RASA3: variants seen among roughly 807,000 people sequenced by gnomAD.
The protein encoded by RASA3 is RAS p21 protein activator 3.
Under a neutral mutation model 110.0 loss-of-function variants are expected in RASA3, and 73 were observed. That is an observed-to-expected ratio of 0.66 (90% CI 0.55 to 0.81). RASA3 has a LOEUF of 0.81. Ranked by LOEUF, RASA3 falls within the 30% of genes least tolerant of loss-of-function variation. RASA3 has a pLI of 0.00. For synonymous variants in RASA3, 500 were observed against 451.4 expected (o/e 1.11, Z -1.37); for missense variants, 976 against 1,113.2 (o/e 0.88, Z 1.75).
Position 114,029,820 on chromosome 13 carries a change from A to G in RASA3, c.440T>C (p.Leu147Pro), listed in dbSNP as rs1403392561. The G allele has an allele frequency of 6.3e-7, 1 of 1,591,776 alleles. No homozygotes were observed. Among genetic ancestry groups the G allele is most frequent in the Non-Finnish European group, 8.5e-7 (1 of 1,169,650 alleles). Residue 147 changes from leucine to proline, a missense_variant, in exon 5 of 24, where the codon CTC becomes CCC. By Grantham distance (98) the Leu-to-Pro change is moderately conservative. Around this residue, in one of 4 missense-constraint regions of RASA3, gnomAD observed 732 missense variants for 779.7 expected, o/e 0.94. Coordinates refer to ENST00000334062, the MANE Select transcript of RASA3 (RefSeq NM_007368.4). ...ITDTGVVCHK[L>P]ATRIVECQGL... ...TGAGGACGTGTCTTACCGTGTGGCG[A>G]GCTTGTGGCAGACGACCCCAGTGTC...
chr13:114,132,481 C>T lies in RASA3; in HGVS notation c.9G>A (p.Val3=). The T allele has an allele frequency of 6.7e-7, 1 of 1,497,668 alleles. No individual in the cohort carries two copies. The highest frequency in any genetic ancestry group is 8.9e-7 in the Non-Finnish European group (1 of 1,128,598). 92.8% of individuals were successfully genotyped at this position (1,497,668 alleles called of 1,614,324 possible). A position where few individuals can be genotyped will look rare whatever the true frequency, so the allele number is the denominator to read the frequency against. The change falls in exon 1 of 24, where the codon GTG becomes GTA. Residue 3 remains valine, a synonymous_variant. Transcript: ENST00000334062. MA[V]EDEGLRVFQS... ...GGAAGACCCGGAGCCCCTCGTCCTC[C>T]ACCGCCATGCTGCGCGTCCGCGCCC...
In RASA3 at chr13:114,132,591, C is replaced by T. The variant is rs2139814253; in HGVS notation, c.-102G>A. ...GGCGGCGCCGGAGCCCCGAGCGCGG[C>T]CGAGGGTCCGCCCGCCTGCAAGACC... On this transcript the variant is annotated 5_prime_UTR_variant, in exon 1 of 24. Coordinates refer to ENST00000334062, the MANE Select transcript of RASA3 (RefSeq NM_007368.4). The T allele has an allele frequency of 1.6e-5, 16 of 1,026,500 alleles. No individual in the cohort carries two copies. In the South Asian group the frequency reaches 7.4e-4, roughly 48 times the overall value. 63.6% of individuals were successfully genotyped at this position (1,026,500 alleles called of 1,614,324 possible). A position where few individuals can be genotyped will look rare whatever the true frequency, so the allele number is the denominator to read the frequency against.
rs1210303315 is a variant in RASA3 at position 113,998,277 on chromosome 13, TCTCTTCCCAGCCCTC to T, written c.1932+1293_1932+1307del. Among the ~76,000 whole-genome samples, 20 of 151,112 alleles carry T rather than the reference TCTCTTCCCAGCCCTC, an allele frequency of 1.3e-4. No homozygotes were observed. The East Asian group carries it at 2.9e-3, about 22-fold the overall frequency. On this transcript the variant is annotated intron_variant, in intron 20 of 23. Transcript: ENST00000334062. The stretch of plus-strand genomic sequence containing the variant: ...CCCATCTCCCCCTCTTCCCAACCCT[TCTCTTCCCAGCCCTC>T]CTCTTCCCAGCCCTCCTCTTCCCAT...
At chr13:114,101,557 C>T (rs1354674694) in intron 1 of RASA3, among the ~76,000 whole-genome samples, 1 of 152,248 alleles carries the variant, frequency 6.6e-6, no homozygotes, top group Non-Finnish European at 1.5e-5. Context: ...GGGCCCCAGC[C>T]GGCACTGCAC....
At chr13:114,068,563 G>A (rs565751934) in intron 2 of RASA3, among the ~76,000 whole-genome samples, 59 of 152,328 alleles carry the variant, frequency 3.9e-4, no homozygotes, top group Admixed American at 7.2e-4. Flanking sequence ...CCACTGCAGC[G>A]CAGCCTTGGG....
At chr13:113,989,222 T>TACCCATCCATCCATCC (rs2053043505) in intron 22 of RASA3, among the ~76,000 whole-genome samples, 1 of 125,214 alleles carries the variant, frequency 8.0e-6, no homozygotes, top group African/African-American at 3.1e-5. Flanking sequence ...TCCACCCATC[T>TACCCATCCATCCATCC]ACCCATCCAT....
intron 9 of RASA3, among the ~76,000 whole-genome samples, chr13:114,019,514 A>C (rs1051861767): frequency 2.0e-5 from 3 of 146,678 alleles, no homozygotes; most frequent in African/African-American, 7.6e-5. Context: ...CGCCCCCATC[A>C]GGTGGGTGGA....
intron 3 of RASA3, among the ~76,000 whole-genome samples, chr13:114,049,393 G>A (rs927093657): frequency 6.6e-6 from 1 of 152,006 alleles, no homozygotes; most frequent in African/African-American, 2.4e-5. Flanking sequence ...CACCATAATC[G>A]TAAAGCCACC....
intron 1 of RASA3, among the ~76,000 whole-genome samples, chr13:114,117,521 GTGCGTGAGGGGTGCACA>G (rs2080303110): frequency 6.8e-6 from 1 of 146,828 alleles, no homozygotes; most frequent in African/African-American, 2.5e-5. Context: ...GGGTGAGCAT[GTGCGTGAGGGGTGCACA>G]TGTGTGAGGG....
intron 1 of RASA3, among the ~76,000 whole-genome samples, chr13:114,075,784 G>A (rs1255542373): frequency 2.0e-4 from 18 of 89,630 alleles, no homozygotes; most frequent in African/African-American, 5.0e-4. Context: ...CCGTGTCCGC[G>A]CCGCGTATCT....
rs546099027 is a variant in RASA3, at chr13:114,100,937, T to A, written c.56-27100A>T. Among the ~76,000 whole-genome samples, 3 of 152,314 alleles carry A rather than the reference T, an allele frequency of 2.0e-5. No individual in the cohort carries two copies. The South Asian group carries it at 6.2e-4, about 32-fold the overall frequency. ...TTAAAAACTCAGAAATTGCTTATTT[T>A]TAGAATTTTCCATTTAACATTTTTG... On this transcript the variant is annotated intron_variant, in intron 1 of 23. Transcript: ENST00000334062.
intron 22 of RASA3, among the ~76,000 whole-genome samples, chr13:113,990,154 C>G (rs1259233870): frequency 4.6e-5 from 7 of 152,170 alleles, no homozygotes; most frequent in Non-Finnish European, 7.3e-5. Flanking sequence ...CGAAAGTTTC[C>G]TGAGGCCTCC....
In RASA3 at chr13:113,979,277, C is replaced by G. The variant is rs887538325; in HGVS notation, c.*70G>C. Reference sequence around the variant, plus strand: ...TTGCCGGCTCTGCGCTCTTCCTTCTCTTCTCCCTCCCAAAGGCTGCGGCTT... The same window carrying G: ...TTGCCGGCTCTGCGCTCTTCCTTCTGTTCTCCCTCCCAAAGGCTGCGGCTT... On this transcript the variant is annotated 3_prime_UTR_variant, in exon 24 of 24. Coordinates refer to ENST00000334062, the MANE Select transcript of RASA3 (RefSeq NM_007368.4). The G allele has an allele frequency of 1.3e-5, 19 of 1,419,444 alleles. No homozygotes were observed. The African/African-American group carries it at 2.1e-4, about 16-fold the overall frequency. The allele number at this position is 1,419,444 out of a possible 1,614,324, so 87.9% of individuals were successfully genotyped here.
Position 114,015,407 on chromosome 13 carries a change from G to A in RASA3, c.1282-75C>T, listed in dbSNP as rs985467933. ...GCGTGTAGCACCAGGGCACGCCCAGGGAGGGGCGCGTGGGGAGGGGCTGAG... is the reference window on the plus strand; with the variant it reads ...GCGTGTAGCACCAGGGCACGCCCAGAGAGGGGCGCGTGGGGAGGGGCTGAG... On this transcript the variant is annotated intron_variant, in intron 13 of 23. Transcript: ENST00000334062. 25 of 1,578,998 alleles carry A rather than the reference G, an allele frequency of 1.6e-5. No homozygotes were observed. In the African/African-American group the frequency reaches 3.4e-4, roughly 21 times the overall value.
At position 114,073,611 on chromosome 13, in the gene RASA3, C is replaced by G. The variant is rs549153696; in HGVS notation, c.173+109G>C. On this transcript the variant is annotated intron_variant, in intron 2 of 23. Transcript: ENST00000334062. ...AAAACGGGATGGTGACGTACACGCTCGGGACGTTCTCCACACATGGGAAAA... is the reference window on the plus strand; with the variant it reads ...AAAACGGGATGGTGACGTACACGCTGGGGACGTTCTCCACACATGGGAAAA... 116 of 910,374 alleles carry G rather than the reference C, an allele frequency of 1.3e-4. No individual in the cohort carries two copies. The African/African-American group carries it at 1.8e-3, about 14-fold the overall frequency. 56.4% of individuals were successfully genotyped at this position (910,374 alleles called of 1,614,324 possible). A position where few individuals can be genotyped will look rare whatever the true frequency, so the allele number is the denominator to read the frequency against.
Position 114,012,505 on chromosome 13 carries a change from TAC to T in RASA3, c.1512+635_1512+636del, listed in dbSNP as rs202086602. 8.6e-3 allele frequency among the ~76,000 whole-genome samples: 924 copies of T among 107,684 alleles called. 19 individuals are homozygous for T. The highest frequency in any genetic ancestry group is 0.032 in the African/African-American group (872 of 27,328). 70.6% of individuals were successfully genotyped at this position (107,684 alleles called of 152,430 possible). Reference sequence around the variant, plus strand: ...CCAAACGCACTCCCCACTCACTCATTACACACACTCCCCACGCATTCCACACA... The same window carrying T: ...CCAAACGCACTCCCCACTCACTCATTACACACTCCCCACGCATTCCACACA... On this transcript the variant is annotated intron_variant, in intron 15 of 23. Transcript: ENST00000334062.
chr13:114,064,669 A>G (rs538584573), intron 2 of RASA3, among the ~76,000 whole-genome samples: 1 of 152,346 alleles, frequency 6.6e-6, no homozygotes, highest in East Asian at 1.9e-4. Context: ...GTGCCGGACA[A>G]TCTCTTCTTT....
At chr13:114,076,658 C>G (rs763323138) in intron 1 of RASA3, among the ~76,000 whole-genome samples, 10 of 152,188 alleles carry the variant, frequency 6.6e-5, no homozygotes, top group Non-Finnish European at 1.5e-4. Flanking sequence ...GCGAGCTTCT[C>G]CAGAGAGGGA....
chr13:114,117,653 T>A (rs1385043013), intron 1 of RASA3, among the ~76,000 whole-genome samples: 116 of 101,934 alleles, frequency 1.1e-3, no homozygotes, highest in African/African-American at 1.6e-3. Context: ...GTGTGAGGGG[T>A]GCACGTGTGT....
Sources: allele counts gnomAD v4.1 joint callset (sites outside exome capture counted in the v4.1 genomes callset), GRCh38; gene constraint gnomAD v4.1.1; regional missense constraint gnomAD v4.1.1; transcripts MANE v1.5; gene names NCBI Gene and HGNC (gene_info 2026-07-23, HGNC 2026-07-21).